PCDHA8: variants seen among roughly 807,000 people sequenced by gnomAD.
The protein encoded by PCDHA8 is protocadherin alpha-8.
A neutral mutation model predicts 61.8 loss-of-function variants in PCDHA8; 53 were observed. The ratio of observed to expected loss-of-function variants is 0.86; its 90% CI spans 0.69 to 1.08. PCDHA8 has a LOEUF of 1.08. PCDHA8 is among the 50% of genes least tolerant of loss of function. The probability of loss-of-function intolerance (pLI) is 0.00; values close to 1 mark genes in which losing one functional copy is unlikely to be tolerated. For synonymous variants in PCDHA8, 618 were observed against 556.6 expected (o/e 1.11, Z -1.55); for missense variants, 1,293 against 1,245.0 (o/e 1.04, Z -0.58).
rs781919488 is a variant in PCDHA8 at position 141,010,129 on chromosome 5, G to T, written c.*192G>T. 1 of 1,601,910 alleles carries T rather than the reference G, an allele frequency of 6.2e-7. No individual in the cohort carries two copies. Among genetic ancestry groups the T allele is most frequent in the East Asian group, 2.2e-5 (1 of 44,578 alleles). ...TGTCGTAAAAGCTTTACTAAGTCTGGTGTTAACTCTTTCTCTCCACTCTGG... is the reference window on the plus strand; with the variant it reads ...TGTCGTAAAAGCTTTACTAAGTCTGTTGTTAACTCTTTCTCTCCACTCTGG... On this transcript the variant is annotated 3_prime_UTR_variant, in exon 4 of 4. Transcript: ENST00000531613.
intron 1 of PCDHA8, chr5:140,852,862 T>C (rs1477791467): frequency 2.1e-6 from 2 of 960,286 alleles, no homozygotes; most frequent in East Asian, 1.1e-4. Context: ...GCATTTACTA[T>C]GTCATCAATA....
chr5:140,951,493 A>C (rs1554219918), intron 1 of PCDHA8, among the ~76,000 whole-genome samples: 1 of 152,022 alleles, frequency 6.6e-6, no homozygotes, highest in Non-Finnish European at 1.5e-5. Context: ...TCATGGTGGA[A>C]GGCAAAAGGA....
At chr5:140,911,088 C>T (rs1447899502) in intron 1 of PCDHA8, among the ~76,000 whole-genome samples, 3 of 152,092 alleles carry the variant, frequency 2.0e-5, no homozygotes, top group African/African-American at 7.2e-5. Flanking sequence ...ATTATCTTGC[C>T]TGGCAACTGC....
chr5:140,902,142 A>T (rs2069127125), intron 1 of PCDHA8, among the ~76,000 whole-genome samples: 1 of 151,120 alleles, frequency 6.6e-6, no homozygotes, highest in African/African-American at 2.4e-5. Flanking sequence ...GCAAACAAGG[A>T]TAATTTGATT....
At chr5:140,866,847 A>T (rs1485743697) in intron 1 of PCDHA8, 1 of 152,136 alleles carries the variant, frequency 6.6e-6, no homozygotes, top group African/African-American at 2.4e-5. Context: ...ATCAGTTAAC[A>T]ATAACTGTAT....
At chr5:140,958,098 G>A (rs1170347696) in intron 1 of PCDHA8, among the ~76,000 whole-genome samples, 4 of 152,088 alleles carry the variant, frequency 2.6e-5, no homozygotes, top group South Asian at 2.1e-4. Context: ...ACAATAGTGT[G>A]TAGAGTGTGG....
Position 141,011,146 on chromosome 5 carries a change from C to T in PCDHA8, c.*1209C>T, listed in dbSNP as rs1180133019. On this transcript the variant is annotated 3_prime_UTR_variant, in exon 4 of 4. Transcript: ENST00000531613. ...TATGTGCACTTTGATACACAACCTT[C>T]TCTAACCAACTATATATCAAGACCC... The T allele has an allele frequency of 6.5e-6, 1 of 153,746 alleles. No individual in the cohort carries two copies. The highest frequency in any genetic ancestry group is 2.1e-4 in the South Asian group (1 of 4,824). The allele number at this position is 153,746 out of a possible 1,614,324, so 9.5% of individuals were successfully genotyped here.
At chr5:140,968,256 A>G (rs782309414) in intron 1 of PCDHA8, 2 of 1,614,006 alleles carry the variant, frequency 1.2e-6, no homozygotes, top group East Asian at 4.5e-5. Flanking sequence ...ACAGACCCAG[A>G]TGAAAAGGAG....
At chr5:140,876,671 C>A in intron 1 of PCDHA8, 1 of 1,614,212 alleles carries the variant, frequency 6.2e-7, no homozygotes, top group African/African-American at 1.3e-5. Flanking sequence ...CTGGTGTCCA[C>A]CTACAAGAAT....
chr5:141,002,195 A>G (rs2098065094), intron 3 of PCDHA8, among the ~76,000 whole-genome samples: 1 of 152,244 alleles, frequency 6.6e-6, no homozygotes, highest in South Asian at 2.1e-4. Flanking sequence ...CTGGCAAGAT[A>G]GTCCCCGGCT....
At chr5:140,968,704 G>A (rs782208487) in intron 1 of PCDHA8, 6 of 1,614,002 alleles carry the variant, frequency 3.7e-6, no homozygotes, top group Admixed American at 1.7e-5. Context: ...GGACTACCAG[G>A]AAGATGGGAG....
chr5:140,963,365 T>C (rs2095759439), intron 1 of PCDHA8, among the ~76,000 whole-genome samples: 1 of 152,254 alleles, frequency 6.6e-6, no homozygotes. Flanking sequence ...CAAAGAACAT[T>C]AATTGAGCAC....
chr5:140,962,370 T>G (rs1554225991), intron 1 of PCDHA8, among the ~76,000 whole-genome samples: 1 of 152,214 alleles, frequency 6.6e-6, no homozygotes, highest in South Asian at 2.1e-4. Flanking sequence ...GCTAGTTTGA[T>G]TTTATCTGTT....
chr5:140,957,523 T>G (rs987363578), intron 1 of PCDHA8, among the ~76,000 whole-genome samples: 1 of 152,156 alleles, frequency 6.6e-6, no homozygotes, highest in African/African-American at 2.4e-5. Context: ...TTTCAGACAT[T>G]CAGTGGGGAT....
At chr5:140,876,524 T>A in intron 1 of PCDHA8, 1 of 1,614,136 alleles carries the variant, frequency 6.2e-7, no homozygotes, top group Non-Finnish European at 8.5e-7. Flanking sequence ...CCTGAAGTAA[T>A]GGTTACTTCA....
chr5:140,895,772 C>T (rs1554186642), intron 1 of PCDHA8, among the ~76,000 whole-genome samples: 1 of 152,072 alleles, frequency 6.6e-6, no homozygotes, highest in Non-Finnish European at 1.5e-5. Flanking sequence ...TTTATGGCTG[C>T]ATAGTATTCA....
At chr5:140,849,557 G>T (rs2150440607) in intron 1 of PCDHA8, 4 of 1,598,482 alleles carry the variant, frequency 2.5e-6, no homozygotes, top group Non-Finnish European at 3.4e-6. Context: ...CTATCAAAAC[G>T]CTCTCGGTTC....
At chr5:140,952,445 G>A (rs1187543872) in intron 1 of PCDHA8, among the ~76,000 whole-genome samples, 1 of 152,002 alleles carries the variant, frequency 6.6e-6, no homozygotes, top group Non-Finnish European at 1.5e-5. Flanking sequence ...GCATAATACA[G>A]CCAGGCTCTT....
intron 1 of PCDHA8, among the ~76,000 whole-genome samples, chr5:140,971,045 T>G (rs2096453995): frequency 6.6e-6 from 1 of 152,090 alleles, no homozygotes; most frequent in Non-Finnish European, 1.5e-5. Context: ...CGTAAAAGGG[T>G]TTAGCTTTAA....
Sources: allele counts gnomAD v4.1 joint callset (sites outside exome capture counted in the v4.1 genomes callset), GRCh38; gene constraint gnomAD v4.1.1; transcripts MANE v1.5; gene names NCBI Gene and HGNC (gene_info 2026-07-23, HGNC 2026-07-21).